Variants in USP48 observed in about 807,000 individuals in gnomAD.
USP48 encodes ubiquitin carboxyl-terminal hydrolase 48.
USP48 carries 43 observed loss-of-function variants against 150.7 expected under a neutral mutation model. That is an observed-to-expected ratio of 0.29 (90% CI 0.22 to 0.37). USP48 has a LOEUF of 0.37. USP48 is among the 10% of genes least tolerant of loss of function. USP48 has a pLI of 1.00. For synonymous variants in USP48, 396 were observed against 425.9 expected (o/e 0.93, Z 0.86); for missense variants, 813 against 1,249.6 (o/e 0.65, Z 5.27).
chr1:21,764,669 GCCA>G (rs2097857619), intron 1 of USP48, among the ~76,000 whole-genome samples: 1 of 142,918 alleles, frequency 7.0e-6, no homozygotes, highest in South Asian at 2.2e-4. Context: ...TCGTGATTGT[GCCA>G]CCCCACACCA....
At chr1:21,768,326 AT>A in intron 1 of USP48, 1 of 164,922 alleles carries the variant, frequency 6.1e-6, no homozygotes, top group Admixed American at 6.1e-5. Flanking sequence ...CCTGATTGCT[AT>A]TTTCCAGGAG....
intron 6 of USP48, among the ~76,000 whole-genome samples, chr1:21,749,235 C>T (rs912282079): frequency 2.0e-5 from 3 of 152,076 alleles, no homozygotes; most frequent in Non-Finnish European, 4.4e-5. Context: ...CACTTGGCTT[C>T]CAGGATACCA....
rs1325584080 is a variant in USP48, at chr1:21,736,517, T to C, written c.1100A>G (p.Tyr367Cys). ...HVKDPQSGEW[Y>C]KFNDEDIEKM... The stretch of plus-strand genomic sequence containing the variant: ...TTCTATGTCTTCATCATTAAACTTA[T>C]ACCATTCACCAGACTGTGGATCTTT... Residue 367 changes from tyrosine (Y) to cysteine (C), a missense_variant, in exon 9 of 27, where the codon TAT (tyrosine) becomes TGT (cysteine). By Grantham distance (194) the Tyr-to-Cys change is radical. Transcript: ENST00000308271. 1 of 1,605,934 alleles carries C rather than the reference T, an allele frequency of 6.2e-7. No homozygotes were observed. Among genetic ancestry groups the C allele is most frequent in the Non-Finnish European group, 8.5e-7 (1 of 1,177,592 alleles).
intron 1 of USP48, among the ~76,000 whole-genome samples, chr1:21,770,482 T>TC (rs1491471324): frequency 1.1e-4 from 11 of 104,040 alleles, no homozygotes; most frequent in African/African-American, 4.9e-4. Context: ...ATCAAGTGTC[T>TC]TTTTTTTTTT....
intron 19 of USP48, among the ~76,000 whole-genome samples, chr1:21,705,060 A>C (rs2097668304): frequency 6.6e-6 from 1 of 152,088 alleles, no homozygotes; most frequent in Non-Finnish European, 1.5e-5. Flanking sequence ...AAATGTAGAG[A>C]ATATATAAAC....
At chr1:21,737,737 T>A (rs1482420386) in intron 8 of USP48, among the ~76,000 whole-genome samples, 1 of 152,220 alleles carries the variant, frequency 6.6e-6, no homozygotes, top group African/African-American at 2.4e-5. Context: ...TTTCACATCA[T>A]TATTCTTCTA....
intron 14 of USP48, 35 bp from the exon 15 acceptor site, chr1:21,715,492 G>A: frequency 7.2e-7 from 1 of 1,391,352 alleles, no homozygotes; most frequent in South Asian, 1.2e-5. Flanking sequence ...ATCTGCTGTG[G>A]TTATTGTGTA....
chr1:21,756,504 A>G (rs1354581419), intron 3 of USP48, 42 bp downstream of exon 3: 1 of 1,549,238 alleles, frequency 6.5e-7, no homozygotes, highest in East Asian at 2.4e-5. Flanking sequence ...AGTTTAAAAA[A>G]ATGTTCAGGA....
At chr1:21,766,494 T>C (rs2097862566) in intron 1 of USP48, among the ~76,000 whole-genome samples, 1 of 152,176 alleles carries the variant, frequency 6.6e-6, no homozygotes, top group Admixed American at 6.6e-5. Flanking sequence ...CACTTTCAGT[T>C]CTGTTTTGGT....
intron 9 of USP48, among the ~76,000 whole-genome samples, chr1:21,735,872 G>A (rs565578061): frequency 7.6e-6 from 1 of 131,204 alleles, no homozygotes; most frequent in African/African-American, 2.8e-5. Flanking sequence ...TGGACAAGAA[G>A]GCAACAAGAG....
intron 8 of USP48, among the ~76,000 whole-genome samples, chr1:21,744,863 A>C (rs2097790860): frequency 6.6e-6 from 1 of 151,404 alleles, no homozygotes; most frequent in Admixed American, 6.6e-5. Flanking sequence ...TCAGGGGCTA[A>C]TGTTCAAAAA....
intron 11 of USP48, 124 bp from the exon 12 acceptor site, chr1:21,724,219 T>C (rs997217595): frequency 8.2e-6 from 8 of 972,546 alleles, no homozygotes; most frequent in African/African-American, 8.1e-5. Context: ...GAAGAATCAT[T>C]GTCTGGGGGA....
intron 1 of USP48, among the ~76,000 whole-genome samples, chr1:21,764,080 C>CA (rs933311474): frequency 1.2e-4 from 18 of 152,214 alleles, no homozygotes; most frequent in Admixed American, 1.0e-3. Context: ...AGTAGAAAAA[C>CA]AGTTATGTGT....
At position 21,705,745 on chromosome 1, in the gene USP48, G is replaced by T. The variant is rs1354174745; in HGVS notation, c.2366C>A (p.Thr789Asn). The T allele has an allele frequency of 6.2e-7, 1 of 1,608,330 alleles. No individual in the cohort carries two copies. Among genetic ancestry groups the T allele is most frequent in the Admixed American group, 1.7e-5 (1 of 58,592 alleles). The change falls in exon 19 of 27, where the codon ACC becomes AAC. Residue 789 changes from threonine (T) to asparagine (N), a missense_variant. Physicochemically the swap from Thr to Asn is moderately conservative, Grantham distance 65. Transcript: ENST00000308271. ...AACTCACAGTTTAGAATCTTCTTTGGTCATGGAAGCAAATGTAAACATGAG... is the reference window on the plus strand; with the variant it reads ...AACTCACAGTTTAGAATCTTCTTTGTTCATGGAAGCAAATGTAAACATGAG... ...GGLMFTFASM[T>N]KEDSKLIALI...
Position 21,764,170 on chromosome 1 carries a change from G to C in USP48, c.135-6387C>G, listed in dbSNP as rs1019848631. Among the ~76,000 whole-genome samples the C allele has an allele frequency of 1.1e-4, 16 of 152,284 alleles. No individual in the cohort carries two copies. The South Asian group carries it at 3.3e-3, about 32-fold the overall frequency. The stretch of plus-strand genomic sequence containing the variant: ...TATGAGACAGTGTCTGGGAGCAGTG[G>C]TTCACACCTGTAGTCCCAGCAATTT... On this transcript the variant is annotated intron_variant, in intron 1 of 26. Transcript: ENST00000308271.
At chr1:21,749,976 C>A (rs889151982) in intron 6 of USP48, among the ~76,000 whole-genome samples, 4 of 152,118 alleles carry the variant, frequency 2.6e-5, no homozygotes, top group African/African-American at 9.7e-5. Context: ...TCTTCAGTTA[C>A]CCCGTGGTCC....
At chr1:21,718,568 T>C (rs1240705034) in intron 14 of USP48, among the ~76,000 whole-genome samples, 3 of 151,816 alleles carry the variant, frequency 2.0e-5, no homozygotes, top group Admixed American at 2.0e-4. Flanking sequence ...CTTTTTCTTT[T>C]TTTTTTTTGA....
intron 23 of USP48, among the ~76,000 whole-genome samples, chr1:21,693,521 A>T (rs1416843898): frequency 6.6e-6 from 1 of 152,214 alleles, no homozygotes; most frequent in Non-Finnish European, 1.5e-5. Flanking sequence ...GGCTGTGTGA[A>T]CAGCTGCCAT....
chr1:21,777,567 T>G (rs1000795632), intron 1 of USP48, among the ~76,000 whole-genome samples: 6 of 151,970 alleles, frequency 3.9e-5, no homozygotes, highest in African/African-American at 1.4e-4. Context: ...CTGGGGATGT[T>G]GAGGCAAAAA....
Sources: allele counts gnomAD v4.1 joint callset (sites outside exome capture counted in the v4.1 genomes callset), GRCh38; gene constraint gnomAD v4.1.1; transcripts MANE v1.5; gene names NCBI Gene and HGNC (gene_info 2026-07-23, HGNC 2026-07-21).